The following RUNX1 variants were observed in gnomAD, a reference collection of about 807,000 sequenced individuals.
RUNX1 encodes the protein RUNX family transcription factor 1.
Under a neutral mutation model 42.8 loss-of-function variants are expected in RUNX1, and 19 were observed. That is an observed-to-expected ratio of 0.44 (90% CI 0.31 to 0.65). The LOEUF is 0.65. RUNX1 is among the 30% of genes least tolerant of loss of function. The pLI is 0.07. For missense variants in RUNX1, 528 were observed against 672.0 expected (o/e 0.79, Z 2.37); for synonymous variants, 271 against 289.4 (o/e 0.94, Z 0.64).
chr21:35,041,155 C>T (rs182584474), intron 2 of RUNX1, among the ~76,000 whole-genome samples: 84 of 152,290 alleles, frequency 5.5e-4, no homozygotes, highest in Admixed American at 4.0e-3. Flanking sequence ...ACAGTCTCTA[C>T]GGAGGGTATT....
intron 2 of RUNX1, among the ~76,000 whole-genome samples, chr21:34,933,020 T>C (rs933284982): frequency 2.0e-5 from 3 of 152,338 alleles, no homozygotes; most frequent in Admixed American, 6.5e-5. Context: ...TGCATAATGA[T>C]CACATGCTTT....
chr21:34,905,146 C>T (rs1369132352), intron 2 of RUNX1, among the ~76,000 whole-genome samples: 1 of 152,174 alleles, frequency 6.6e-6, no homozygotes, highest in Non-Finnish European at 1.5e-5. Flanking sequence ...GAGACCCGCA[C>T]GCCCCCTTCT....
intron 2 of RUNX1, among the ~76,000 whole-genome samples, chr21:34,940,542 T>C (rs540777486): frequency 2.0e-5 from 3 of 152,352 alleles, no homozygotes; most frequent in East Asian, 3.9e-4. Flanking sequence ...TATATACATA[T>C]ACATTCTCTA....
At chr21:35,038,275 A>C (rs973434832) in intron 2 of RUNX1, among the ~76,000 whole-genome samples, 1 of 151,982 alleles carries the variant, frequency 6.6e-6, no homozygotes, top group East Asian at 1.9e-4. Context: ...CCCCGATCCC[A>C]CCCCTGAGCT....
rs1340631548 is a variant in RUNX1, at chr21:34,792,266, C to G, written c.1312G>C (p.Gly438Arg). ...AGGCTGGGGTTGAGCAGCGCGGAGC[C>G]GGTGGAGGCGTTGGTGCAGGGCGGC... Reference protein sequence around the residue: ...ILPPCTNASTGSALLNPSLPN... With the variant: ...ILPPCTNASTRSALLNPSLPN... The change falls in exon 9 of 9, where the codon GGC becomes CGC. Residue 438 changes from glycine to arginine, a missense_variant. Physicochemically the swap from Gly to Arg is moderately radical, Grantham distance 125 (BLOSUM62 -2). Transcript: ENST00000675419. The surrounding 1 kb of genome is among the most constrained non-coding windows in gnomAD (Gnocchi z 6.9). 2 of 1,512,012 alleles carry G rather than the reference C, an allele frequency of 1.3e-6. No homozygotes were observed. The highest frequency in any genetic ancestry group is 8.8e-7 in the Non-Finnish European group (1 of 1,132,372). 93.7% of individuals were successfully genotyped at this position (1,512,012 alleles called of 1,614,324 possible).
intron 2 of RUNX1, among the ~76,000 whole-genome samples, chr21:35,038,189 A>G (rs2059324023): frequency 6.6e-6 from 1 of 152,156 alleles, no homozygotes; most frequent in African/African-American, 2.4e-5. Flanking sequence ...TAAATGGCTC[A>G]AGTTCACACA....
intron 2 of RUNX1, among the ~76,000 whole-genome samples, chr21:34,962,832 G>A (rs1315249236): frequency 6.6e-6 from 1 of 152,210 alleles, no homozygotes; most frequent in African/African-American, 2.4e-5. Context: ...CTGCCTCACC[G>A]TTGTCACTGT....
chr21:34,788,478 TA>T lies in RUNX1; in HGVS notation c.*3656del. The T allele has an allele frequency of 4.3e-6, 1 of 232,978 alleles. No homozygotes were observed. Among genetic ancestry groups the T allele is most frequent in the East Asian group, 6.1e-5 (1 of 16,406 alleles). 14.4% of individuals were successfully genotyped at this position (232,978 alleles called of 1,614,324 possible). On this transcript the variant is annotated 3_prime_UTR_variant, in exon 9 of 9. Transcript: ENST00000675419. ...AAGTAGCTCATTTTAAAGTCTAAAA[TA>T]AACAAAGTAGAAAGAAGCATTTTTT...
chr21:34,873,951 G>A (rs1240322934), intron 5 of RUNX1, among the ~76,000 whole-genome samples: 3 of 152,166 alleles, frequency 2.0e-5, no homozygotes, highest in Non-Finnish European at 2.9e-5. Flanking sequence ...CCGACAAAAC[G>A]AGCGCATGTC....
chr21:34,793,959 C>T lies in RUNX1; in HGVS notation c.968-1349G>A, dbSNP rs368875321. Reference sequence around the variant, plus strand: ...CCTCAAGTGATCCACCTGCCTCAGCCTCCCAAAGTGCTGGGATTACAGGCA... The same window carrying T: ...CCTCAAGTGATCCACCTGCCTCAGCTTCCCAAAGTGCTGGGATTACAGGCA... On this transcript the variant is annotated intron_variant, in intron 8 of 8. Coordinates refer to ENST00000675419, the MANE Select transcript of RUNX1 (RefSeq NM_001754.5). Among the ~76,000 whole-genome samples the T allele has an allele frequency of 3.9e-3, 601 of 152,256 alleles. 3 individuals carry two copies. Among genetic ancestry groups the T allele is most frequent in the Admixed American group, 0.012 (189 of 15,296 alleles).
chr21:34,915,251 T>C (rs1404695174), intron 2 of RUNX1, among the ~76,000 whole-genome samples: 2 of 152,238 alleles, frequency 1.3e-5, no homozygotes, highest in Non-Finnish European at 2.9e-5. Context: ...TGGAAACATC[T>C]TAAATTCTGA....
intron 6 of RUNX1, among the ~76,000 whole-genome samples, chr21:34,837,259 C>T: frequency 6.6e-6 from 1 of 152,140 alleles, no homozygotes; most frequent in East Asian, 1.9e-4. Context: ...AGAGCCCATT[C>T]CACTCTCCCC....
intron 2 of RUNX1, among the ~76,000 whole-genome samples, chr21:34,925,978 CACTTA>C (rs746769759): frequency 6.6e-6 from 1 of 151,948 alleles, no homozygotes; most frequent in Non-Finnish European, 1.5e-5. Context: ...GCTTCTCTGT[CACTTA>C]ACTTATTCTT....
intron 7 of RUNX1, among the ~76,000 whole-genome samples, chr21:34,827,254 A>T (rs184573523): frequency 1.4e-4 from 21 of 152,364 alleles, no homozygotes; most frequent in African/African-American, 5.0e-4. Flanking sequence ...ATATTTGTGG[A>T]AGAAATACTT....
rs551671062 is a variant in RUNX1, at chr21:34,835,027, C to T, written c.614-426G>A. 2.0e-5 allele frequency among the ~76,000 whole-genome samples: 3 copies of T among 152,324 alleles called. No homozygotes were observed. In the South Asian group the frequency reaches 6.2e-4, roughly 32 times the overall value. On this transcript the variant is annotated intron_variant, in intron 6 of 8. Coordinates refer to ENST00000675419, the MANE Select transcript of RUNX1 (RefSeq NM_001754.5). ...TCCCAGGGGCATCAGAACGGCTGTT[C>T]CTTACTGCAAACCCAGCCACTGGCA...
At chr21:34,952,161 G>A (rs959849863) in intron 2 of RUNX1, among the ~76,000 whole-genome samples, 3 of 152,146 alleles carry the variant, frequency 2.0e-5, no homozygotes, top group Non-Finnish European at 4.4e-5. Flanking sequence ...TCACTCATAA[G>A]TGTGAGTTGA....
chr21:34,865,902 A>G (rs2252175), intron 5 of RUNX1, among the ~76,000 whole-genome samples: 36,291 of 152,154 alleles, frequency 0.24, 4,600 homozygotes, highest in African/African-American at 0.31. Flanking sequence ...TGTGAAGAAC[A>G]TATTTAAAAG....
chr21:34,892,948 A>G lies in RUNX1; in HGVS notation c.74T>C (p.Met25Thr), dbSNP rs1389244175. The change falls in exon 3 of 9, where the codon ATG becomes ACG. Residue 25 changes from methionine (M) to threonine (T), a missense_variant. Met to Thr is a moderately conservative substitution (Grantham distance 81, BLOSUM62 -1). Transcript: ENST00000675419. ...QCFMRECILG[M>T]NPSRDVHDAS... ...ACCGTGGACGTCTCTAGAAGGATTC[A>G]TTCCAAGTATGCATTCTGAAATAAC... The G allele has an allele frequency of 6.3e-7, 1 of 1,578,356 alleles. No homozygotes were observed. Among genetic ancestry groups the G allele is most frequent in the Non-Finnish European group, 8.7e-7 (1 of 1,148,106 alleles).
chr21:35,030,539 A>C (rs1192410535), intron 2 of RUNX1, among the ~76,000 whole-genome samples: 1 of 152,172 alleles, frequency 6.6e-6, no homozygotes, highest in Non-Finnish European at 1.5e-5. Context: ...GAAAAGTATA[A>C]AAATTGCAAA....
Sources: allele counts gnomAD v4.1 joint callset (sites outside exome capture counted in the v4.1 genomes callset), GRCh38; gene constraint gnomAD v4.1.1; non-coding constraint Gnocchi (gnomAD v3.1); transcripts MANE v1.5; gene names NCBI Gene and HGNC (gene_info 2026-07-23, HGNC 2026-07-21).